PTPRD: variants seen among roughly 807,000 people sequenced by gnomAD.
PTPRD encodes the protein protein tyrosine phosphatase receptor type D, also known as receptor-type tyrosine-protein phosphatase delta.
In PTPRD, 34 loss-of-function variants were observed where a neutral mutation model predicts 214.5. That is an observed-to-expected ratio of 0.16 (90% confidence interval 0.12 to 0.21). The LOEUF is 0.21. Ranked by LOEUF, PTPRD falls within the 10% of genes least tolerant of loss-of-function variation. The pLI is 1.00. For missense variants in PTPRD, 2,545 were observed against 2,398.7 expected, an observed-to-expected ratio of 1.06 and a Z score of -1.27; for synonymous variants, 1,128 against 845.7, an observed-to-expected ratio of 1.33 and a Z score of -5.79.
chr9:9,775,759 C>T (rs748531133), intron 5 of PTPRD, among the ~76,000 whole-genome samples: 5 of 151,994 alleles, frequency 3.3e-5, no homozygotes, highest in Non-Finnish European at 4.4e-5. Flanking sequence ...CTGGCTAACA[C>T]GGTGAAACCC....
chr9:10,019,998 G>C (rs951106215), intron 4 of PTPRD, among the ~76,000 whole-genome samples: 1 of 152,000 alleles, frequency 6.6e-6, no homozygotes, highest in African/African-American at 2.4e-5. Flanking sequence ...TATATAAACG[G>C]TTTATTACAA....
At chr9:10,218,420 T>A (rs1394717150) in intron 3 of PTPRD, among the ~76,000 whole-genome samples, 1 of 151,972 alleles carries the variant, frequency 6.6e-6, no homozygotes, top group African/African-American at 2.4e-5. Context: ...AAGTGCAATA[T>A]GTATCTTATG....
chr9:8,699,614 G>T (rs531684853), intron 12 of PTPRD, among the ~76,000 whole-genome samples: 1 of 151,998 alleles, frequency 6.6e-6, no homozygotes, highest in Non-Finnish European at 1.5e-5. Context: ...ACTTGGTTGG[G>T]CCAGTAACTT....
intron 8 of PTPRD, among the ~76,000 whole-genome samples, chr9:9,501,000 C>T (rs908209055): frequency 7.2e-5 from 11 of 151,880 alleles, no homozygotes; most frequent in Non-Finnish European, 1.6e-4. Context: ...AAAATACACA[C>T]TGCTATGGCT....
rs151041617 is a variant in PTPRD at position 10,233,387 on chromosome 9, C to T, written c.-545+107576G>A. Among the ~76,000 whole-genome samples, 770 of 151,950 alleles carry T rather than the reference C, an allele frequency of 5.1e-3. 4 individuals carry two copies. The highest frequency in any genetic ancestry group is 0.018 in the African/African-American group (736 of 41,456). On this transcript the variant is annotated intron_variant, in intron 3 of 45. Coordinates refer to ENST00000381196, the MANE Select transcript of PTPRD (RefSeq NM_002839.4). ...CAGCATTATGGAAGCCTGAATAGGGCTAAAGAGGCGGATGTTTTGAATTCT... is the reference window on the plus strand; with the variant it reads ...CAGCATTATGGAAGCCTGAATAGGGTTAAAGAGGCGGATGTTTTGAATTCT...
At chr9:10,002,071 C>G (rs2096333613) in intron 4 of PTPRD, among the ~76,000 whole-genome samples, 1 of 151,670 alleles carries the variant, frequency 6.6e-6, no homozygotes, top group African/African-American at 2.4e-5. Context: ...TTTCTGTAAA[C>G]TATTGAAATT....
chr9:10,194,637 T>G (rs932170262), intron 3 of PTPRD, among the ~76,000 whole-genome samples: 2 of 149,906 alleles, frequency 1.3e-5, no homozygotes, highest in African/African-American at 4.9e-5. Flanking sequence ...TATAAATTAT[T>G]TCTCCTATGT....
At chr9:9,275,311 G>C (rs1008426986) in intron 9 of PTPRD, among the ~76,000 whole-genome samples, 6 of 141,422 alleles carry the variant, frequency 4.2e-5, no homozygotes, top group African/African-American at 1.6e-4. Flanking sequence ...AAAATAGTGA[G>C]GGAAGGTCAG....
At chr9:9,875,430 T>C (rs982135284) in intron 5 of PTPRD, among the ~76,000 whole-genome samples, 1 of 152,064 alleles carries the variant, frequency 6.6e-6, no homozygotes, top group African/African-American at 2.4e-5. Flanking sequence ...TTCAAGAACA[T>C]TGAATATCTG....
chr9:9,873,701 A>T (rs1475313334), intron 5 of PTPRD, among the ~76,000 whole-genome samples: 6 of 152,202 alleles, frequency 3.9e-5, no homozygotes, highest in Non-Finnish European at 8.8e-5. Flanking sequence ...TAAATGCTCC[A>T]AACTGAGATA....
At chr9:10,123,399 A>G (rs1157680892) in intron 3 of PTPRD, among the ~76,000 whole-genome samples, 1 of 152,214 alleles carries the variant, frequency 6.6e-6, no homozygotes, top group Non-Finnish European at 1.5e-5. Context: ...AGTCATCTCT[A>G]TGAAGTCTTG....
chr9:9,471,777 A>ACC (rs5896336), intron 8 of PTPRD, among the ~76,000 whole-genome samples: 4 of 151,838 alleles, frequency 2.6e-5, no homozygotes, highest in Non-Finnish European at 4.4e-5. Context: ...TTAGGCATTC[A>ACC]CCCCCATTAT....
Position 9,305,197 on chromosome 9 carries a change from T to C in PTPRD, c.-203+92252A>G, listed in dbSNP as rs889773861. ...ATTTCAGACATTCCATTTTCCAAAATTGTCTTCGTAACTCTTACCTAGCTG... is the reference window on the plus strand; with the variant it reads ...ATTTCAGACATTCCATTTTCCAAAACTGTCTTCGTAACTCTTACCTAGCTG... On this transcript the variant is annotated intron_variant, in intron 9 of 45. Transcript: ENST00000381196. 1.2e-4 allele frequency among the ~76,000 whole-genome samples: 18 copies of C among 152,010 alleles called. No homozygotes were observed. In the East Asian group the frequency reaches 1.6e-3, roughly 13 times the overall value.
At position 9,309,899 on chromosome 9, in the gene PTPRD, T is replaced by G. The variant is rs770272298; in HGVS notation, c.-203+87550A>C. On this transcript the variant is annotated intron_variant, in intron 9 of 45. Transcript: ENST00000381196. ...TAATATGGAGTAATTTAAATAGGACTCTGTCTGCTTGAGGTGGATCATGGA... is the reference window on the plus strand; with the variant it reads ...TAATATGGAGTAATTTAAATAGGACGCTGTCTGCTTGAGGTGGATCATGGA... 6.5e-4 allele frequency among the ~76,000 whole-genome samples: 99 copies of G among 152,300 alleles called. 1 individual carries two copies. The highest frequency in any genetic ancestry group is 3.4e-3 in the Middle Eastern group (1 of 294).
chr9:9,916,244 G>C (rs1245381896), intron 5 of PTPRD, among the ~76,000 whole-genome samples: 2 of 151,874 alleles, frequency 1.3e-5, no homozygotes, highest in Non-Finnish European at 2.9e-5. Flanking sequence ...TGTAGCTCTA[G>C]AAGTAAAAAG....
intron 2 of PTPRD, among the ~76,000 whole-genome samples, chr9:10,409,408 T>A (rs1265029615): frequency 6.6e-6 from 1 of 151,740 alleles, no homozygotes; most frequent in Non-Finnish European, 1.5e-5. Context: ...GTCATACTAA[T>A]CACCCTAATA....
intron 2 of PTPRD, among the ~76,000 whole-genome samples, chr9:10,573,817 A>C (rs1400964514): frequency 6.6e-6 from 1 of 152,192 alleles, no homozygotes; most frequent in Non-Finnish European, 1.5e-5. Flanking sequence ...AGAGAAGCGG[A>C]ATTGTTTCTA....
At chr9:9,973,225 G>A (rs960731641) in intron 4 of PTPRD, among the ~76,000 whole-genome samples, 6 of 151,422 alleles carry the variant, frequency 4.0e-5, no homozygotes, top group Non-Finnish European at 5.9e-5. Context: ...CACTTTGAAA[G>A]GCCAAAGCGG....
intron 3 of PTPRD, among the ~76,000 whole-genome samples, chr9:10,073,428 G>A (rs1459139914): frequency 1.3e-5 from 2 of 152,122 alleles, no homozygotes; most frequent in African/African-American, 2.4e-5. Context: ...TCACAGCCAA[G>A]AGGAGCCTAC....
Sources: gnomAD v4.1 joint callset for allele counts (sites outside exome capture counted in the v4.1 genomes callset) on GRCh38, gnomAD v4.1.1 for gene constraint, MANE v1.5 for transcripts, NCBI Gene and HGNC (gene_info 2026-07-23, HGNC 2026-07-21) for gene names.